The following GMCL1 variants were observed in gnomAD, a reference collection of about 807,000 sequenced individuals.
The protein encoded by GMCL1 is germ cell-less 1, spermatogenesis associated.
In GMCL1, 54 loss-of-function variants were observed where a neutral mutation model predicts 75.5. That is an observed-to-expected ratio of 0.71 (90% confidence interval 0.57 to 0.90). GMCL1 has a LOEUF of 0.90. GMCL1 is among the 40% of genes least tolerant of loss of function. The pLI, the probability that GMCL1 is intolerant of heterozygous loss-of-function variation, is 0.00. For missense variants in GMCL1, 537 were observed against 622.7 expected (o/e 0.86, Z 1.47); for synonymous variants, 210 against 209.6 (o/e 1.00, Z -0.02).
In GMCL1 at chr2:69,878,987, C is replaced by G. The variant is rs370333920; in HGVS notation, c.1531C>G (p.Pro511Ala). Residue 511 changes from proline (P) to alanine (A), a missense_variant, in exon 14 of 14, where the codon CCA becomes GCA. Coordinates refer to ENST00000282570, the MANE Select transcript of GMCL1 (RefSeq NM_178439.5). ...YICCNFLYIS[P>A]EKKN Reference sequence around the variant, plus strand: ...CTGCTGTAACTTCTTGTATATATCACCAGAAAAAAAGAATTGAAAATAATC... The same window carrying G: ...CTGCTGTAACTTCTTGTATATATCAGCAGAAAAAAAGAATTGAAAATAATC... The G allele has an allele frequency of 6.5e-5, 103 of 1,590,850 alleles. No homozygotes were observed. The highest frequency in any genetic ancestry group is 2.2e-4 in the Admixed American group (13 of 58,898).
intron 9 of GMCL1, among the ~76,000 whole-genome samples, chr2:69,857,784 T>A (rs971026600): frequency 1.4e-4 from 22 of 152,236 alleles, no homozygotes; most frequent in African/African-American, 4.8e-4. Context: ...TTTCATAAGT[T>A]GTTCAACTTG....
rs770503327 is a variant in GMCL1 at position 69,830,133 on chromosome 2, C to T, written c.241C>T (p.Leu81Phe). 2 of 1,570,516 alleles carry T rather than the reference C, an allele frequency of 1.3e-6. No homozygotes were observed. Among genetic ancestry groups the T allele is most frequent in the East Asian group, 4.7e-5 (2 of 42,852 alleles). The part of the protein sequence containing the change: ...DEEEGDEQQR[L>F]LNTPRRKKLK... ...GGAGGAGGGGGACGAGCAGCAGCGG[C>T]TCCTCAACACCCCTCGAAGGTACGT... Residue 81 changes from leucine (L) to phenylalanine (F), a missense_variant, in exon 1 of 14, where the codon CTC becomes TTC. Physicochemically the swap from Leu to Phe is conservative, Grantham distance 22. Around this residue, in one of 3 missense-constraint regions of GMCL1, gnomAD observed 144 missense variants for 127.2 expected, o/e 1.13. Transcript: ENST00000282570.
chr2:69,875,155 A>G (rs1676093706), intron 13 of GMCL1, among the ~76,000 whole-genome samples: 1 of 152,210 alleles, frequency 6.6e-6, no homozygotes, highest in South Asian at 2.1e-4. Flanking sequence ...TACTAGGATT[A>G]TATAAATAGT....
At chr2:69,840,722 G>A (rs1674959990) in intron 3 of GMCL1, among the ~76,000 whole-genome samples, 1 of 152,132 alleles carries the variant, frequency 6.6e-6, no homozygotes, top group African/African-American at 2.4e-5. Context: ...AGCTAGATTT[G>A]GTAGAATAAA....
chr2:69,869,006 A>G (rs1675900995), intron 11 of GMCL1, among the ~76,000 whole-genome samples: 1 of 151,018 alleles, frequency 6.6e-6, no homozygotes, highest in Admixed American at 6.6e-5. Flanking sequence ...TAGTCCCAGC[A>G]CTTTGGGAGG....
chr2:69,845,940 ATG>A (rs933548778), intron 6 of GMCL1, among the ~76,000 whole-genome samples: 2 of 149,794 alleles, frequency 1.3e-5, no homozygotes, highest in African/African-American at 4.9e-5. Flanking sequence ...GCTTCCCAGA[ATG>A]TGAATTTTAC....
chr2:69,876,951 G>T (rs752532102), intron 13 of GMCL1, among the ~76,000 whole-genome samples: 1 of 152,172 alleles, frequency 6.6e-6, no homozygotes, highest in Non-Finnish European at 1.5e-5. Flanking sequence ...TCATGCCACC[G>T]CACTCCAGCC....
At chr2:69,835,024 T>C (rs1573339236) in intron 1 of GMCL1, among the ~76,000 whole-genome samples, 1 of 152,132 alleles carries the variant, frequency 6.6e-6, no homozygotes, top group East Asian at 1.9e-4. Context: ...AAATGTGCTG[T>C]GATCCATGAA....
rs565456763 is a variant in GMCL1, at chr2:69,879,712, T to C, written c.*708T>C. Reference sequence around the variant, plus strand: ...TGAAAGTTAGCTTTGCACCTTCAAATGATCTTGAATGAGGGAAAAATCAGT... The same window carrying C: ...TGAAAGTTAGCTTTGCACCTTCAAACGATCTTGAATGAGGGAAAAATCAGT... On this transcript the variant is annotated 3_prime_UTR_variant, in exon 14 of 14. Coordinates refer to ENST00000282570, the MANE Select transcript of GMCL1 (RefSeq NM_178439.5). 2.1e-4 allele frequency: 32 copies of C among 152,340 alleles called. No homozygotes were observed. Among genetic ancestry groups the C allele is most frequent in the African/African-American group, 7.2e-4 (30 of 41,590 alleles). 9.4% of individuals were successfully genotyped at this position (152,340 alleles called of 1,614,324 possible).
intron 10 of GMCL1, among the ~76,000 whole-genome samples, chr2:69,861,719 T>C (rs1250864768): frequency 6.6e-6 from 1 of 152,224 alleles, no homozygotes; most frequent in Non-Finnish European, 1.5e-5. Context: ...GTTTTTCTTA[T>C]GGTAGTATTG....
At chr2:69,843,005 A>C (rs1675028252) in intron 4 of GMCL1, 144 bp from the exon 5 acceptor site, 2 of 329,144 alleles carry the variant, frequency 6.1e-6, no homozygotes, top group African/African-American at 2.2e-5. Context: ...AAAAAAAAAA[A>C]AACTTAGGTT....
At position 69,830,006 on chromosome 2, in the gene GMCL1, G is replaced by C. The variant is rs768499926; in HGVS notation, c.114G>C (p.Ala38=). The C allele has an allele frequency of 2.6e-6, 4 of 1,565,968 alleles. No individual in the cohort carries two copies. In the South Asian group the frequency reaches 4.7e-5, roughly 18 times the overall value. The change falls in exon 1 of 14, where the codon GCG becomes GCC. Residue 38 remains alanine, a synonymous_variant. Coordinates refer to ENST00000282570, the MANE Select transcript of GMCL1 (RefSeq NM_178439.5). ...GGAGGCCGGACACTGGAGACGATGCGGCGGGCCACGGATTCTGTTACTGTG... is the reference window on the plus strand; with the variant it reads ...GGAGGCCGGACACTGGAGACGATGCCGCGGGCCACGGATTCTGTTACTGTG... The part of the protein sequence containing the change: ...SARRPDTGDD[A]AGHGFCYCAG...
chr2:69,860,492 A>G (rs188126718), intron 9 of GMCL1, among the ~76,000 whole-genome samples: 280 of 152,154 alleles, frequency 1.8e-3, no homozygotes, highest in African/African-American at 6.2e-3. Flanking sequence ...TGCATGTTTC[A>G]TCTACGAATT....
rs1244351209 is a variant in GMCL1, at chr2:69,880,967, AC to A, written c.*1966del. 3.3e-5 allele frequency: 5 copies of A among 151,994 alleles called. No homozygotes were observed. Among genetic ancestry groups the A allele is most frequent in the African/African-American group, 4.8e-5 (2 of 41,390 alleles). 9.4% of individuals were successfully genotyped at this position (151,994 alleles called of 1,614,324 possible). On this transcript the variant is annotated 3_prime_UTR_variant, in exon 14 of 14. Transcript: ENST00000282570. ...CTCATTACTGTATAAGAGTTTCCTT[AC>A]CCTTTATGTATTGAAAAATATATAA...
At chr2:69,864,584 CTT>C (rs1675752645) in intron 10 of GMCL1, among the ~76,000 whole-genome samples, 1 of 96,086 alleles carries the variant, frequency 1.0e-5, no homozygotes, top group Non-Finnish European at 2.2e-5. Flanking sequence ...TGTAGTTAGA[CTT>C]TTACTTTTTT....
chr2:69,851,126 T>C (rs6718012), intron 8 of GMCL1, among the ~76,000 whole-genome samples: 34,726 of 152,222 alleles, frequency 0.23, 4,348 homozygotes, highest in East Asian at 0.39. Flanking sequence ...TTGTAGGTTA[T>C]CTTTTTAATT....
chr2:69,837,495 G>A (rs1674852143), intron 1 of GMCL1, 52 bp from the exon 2 acceptor site: 1 of 1,295,130 alleles, frequency 7.7e-7, no homozygotes. Flanking sequence ...TGCAAAATCA[G>A]TAAAACATTC....
At chr2:69,854,355 A>G (rs1675409841) in intron 8 of GMCL1, among the ~76,000 whole-genome samples, 1 of 152,158 alleles carries the variant, frequency 6.6e-6, no homozygotes, top group Non-Finnish European at 1.5e-5. Flanking sequence ...TAGAGAATTA[A>G]TATATTAACT....
chr2:69,873,422 C>A (rs917520961), intron 13 of GMCL1: 3 of 151,946 alleles, frequency 2.0e-5, no homozygotes, highest in Admixed American at 2.0e-4. Flanking sequence ...ACATGTACCA[C>A]TCAGATACAT....
Sources: gnomAD v4.1 joint callset for allele counts (sites outside exome capture counted in the v4.1 genomes callset) on GRCh38, gnomAD v4.1.1 for gene constraint, gnomAD v4.1.1 regional missense constraint, MANE v1.5 for transcripts, NCBI Gene and HGNC (gene_info 2026-07-23, HGNC 2026-07-21) for gene names.